The following ST6GAL1 variants were observed in gnomAD, a reference collection of about 807,000 sequenced individuals.
ST6GAL1 encodes the protein ST6 beta-galactoside alpha-2,6-sialyltransferase 1, also known as beta-galactoside alpha-2,6-sialyltransferase 1.
Under a neutral mutation model 38.0 loss-of-function variants are expected in ST6GAL1, and 20 were observed. The ratio of observed to expected loss-of-function variants is 0.53; its 90% CI spans 0.37 to 0.77. The LOEUF is 0.77. ST6GAL1 is among the 30% of genes least tolerant of loss of function. ST6GAL1 has a pLI of 0.00. For synonymous variants in ST6GAL1, 196 were observed against 188.2 expected, an observed-to-expected ratio of 1.04 and a Z score of -0.34; for missense variants, 432 against 496.4, an observed-to-expected ratio of 0.87 and a Z score of 1.23.
intron 2 of ST6GAL1, among the ~76,000 whole-genome samples, chr3:186,977,007 G>A (rs1715542262): frequency 6.6e-6 from 1 of 152,206 alleles, no homozygotes; most frequent in Non-Finnish European, 1.5e-5. Context: ...TGCCAGAGGA[G>A]ATCGGCTTGT....
intron 5 of ST6GAL1, 57 bp from the exon 6 acceptor site, chr3:187,072,792 A>C (rs759698562): frequency 2.7e-6 from 4 of 1,469,502 alleles, no homozygotes; most frequent in Non-Finnish European, 2.9e-6. Context: ...CTATTACTTC[A>C]TGTCAAACAT....
rs1714765712 is a variant in ST6GAL1, at chr3:186,956,844, T to C, written c.-324-6941T>C. Among the ~76,000 whole-genome samples the C allele has an allele frequency of 2.6e-5, 4 of 152,142 alleles. No individual in the cohort carries two copies. The South Asian group carries it at 8.3e-4, about 32-fold the overall frequency. The stretch of plus-strand genomic sequence containing the variant: ...AAAGACAGCTAACGATCACCAGATA[T>C]TTGAGAAAAGTTTGAAACATGAAAG... On this transcript the variant is annotated intron_variant, in intron 1 of 7. Coordinates refer to ENST00000169298, the MANE Select transcript of ST6GAL1 (RefSeq NM_173216.2).
At chr3:186,973,693 T>G (rs187034029) in intron 2 of ST6GAL1, among the ~76,000 whole-genome samples, 1 of 152,282 alleles carries the variant, frequency 6.6e-6, no homozygotes, top group Admixed American at 6.5e-5. Context: ...TAGGGAGTGT[T>G]GGCTCCCTCT....
intron 5 of ST6GAL1, among the ~76,000 whole-genome samples, chr3:187,055,972 T>G (rs1346027184): frequency 6.6e-6 from 1 of 152,202 alleles, no homozygotes; most frequent in Non-Finnish European, 1.5e-5. Flanking sequence ...AGGACTTGCT[T>G]TATGAATCTG....
chr3:187,027,117 C>T (rs985766204), intron 2 of ST6GAL1, among the ~76,000 whole-genome samples: 2 of 151,686 alleles, frequency 1.3e-5, no homozygotes, highest in African/African-American at 2.4e-5. Flanking sequence ...GCATGGATTC[C>T]AGAATCATGA....
rs71634020 is a variant in ST6GAL1 at position 186,963,829 on chromosome 3, AG to A, written c.-277del. ...CGCAGAGCCCTGCAACCAGCAGTCC[AG>A]GGAGAAGTGGTGAATGTCATGGAGC... is the stretch of plus-strand genomic sequence containing the variant. On this transcript the variant is annotated 5_prime_UTR_variant, in exon 2 of 8. Transcript: ENST00000169298. 0.084 allele frequency: 12,769 copies of A among 152,414 alleles called. 700 individuals carry two copies. Among genetic ancestry groups the A allele is most frequent in the Non-Finnish European group, 0.12 (7,899 of 68,116 alleles). The allele number at this position is 152,414 out of a possible 1,614,324, so 9.4% of individuals were successfully genotyped here.
intron 6 of ST6GAL1, 186 bp from the exon 7 acceptor site, chr3:187,073,973 C>T (rs1719474768): frequency 5.8e-6 from 3 of 520,620 alleles, no homozygotes; most frequent in East Asian, 3.4e-5. Context: ...AGGCCCCACC[C>T]TGCTATCCAG....
rs565675603 is a variant in ST6GAL1 at position 187,067,012 on chromosome 3, G to T, written c.706-5837G>T. ...TACCATGGAGTGAGTTAGACACAGA[G>T]CAGGACTGGAACCCATGCTTCCAAT... On this transcript the variant is annotated intron_variant, in intron 5 of 7. Coordinates refer to ENST00000169298, the MANE Select transcript of ST6GAL1 (RefSeq NM_173216.2). 1.1e-4 allele frequency among the ~76,000 whole-genome samples: 17 copies of T among 151,580 alleles called. No individual in the cohort carries two copies. In the South Asian group the frequency reaches 3.5e-3, roughly 32 times the overall value.
At chr3:186,987,242 GGAAAGAAAGGAAGAAA>G (rs1560152332) in intron 2 of ST6GAL1, among the ~76,000 whole-genome samples, 5 of 151,368 alleles carry the variant, frequency 3.3e-5, no homozygotes, top group Non-Finnish European at 7.4e-5. Flanking sequence ...AAGGAAGAAA[GGAAAGAAAGGAAGAAA>G]GAAAGAAGAA....
At chr3:186,987,456 C>T (rs761276447) in intron 2 of ST6GAL1, among the ~76,000 whole-genome samples, 2 of 152,124 alleles carry the variant, frequency 1.3e-5, no homozygotes, top group Non-Finnish European at 1.5e-5. Flanking sequence ...TTGAAGCCCA[C>T]GGCCCACAAG....
intron 2 of ST6GAL1, among the ~76,000 whole-genome samples, chr3:186,969,115 A>C (rs1220286679): frequency 6.8e-6 from 1 of 147,480 alleles, no homozygotes; most frequent in Non-Finnish European, 1.5e-5. Context: ...GCAGTGGCGC[A>C]ATCTCAGCTC....
rs566358450 is a variant in ST6GAL1, at chr3:187,013,758, T to C, written c.-182-24984T>C. On this transcript the variant is annotated intron_variant, in intron 2 of 7. Coordinates refer to ENST00000169298, the MANE Select transcript of ST6GAL1 (RefSeq NM_173216.2). ...CGCCACCACGCCTGACTAATTTTTG[T>C]ATTTTTAGTAGAGACGGGGTTTGAC... is the stretch of plus-strand genomic sequence containing the variant. 4.6e-5 allele frequency among the ~76,000 whole-genome samples: 7 copies of C among 152,246 alleles called. No individual in the cohort carries two copies. The East Asian group carries it at 1.4e-3, about 29-fold the overall frequency.
At chr3:187,002,811 T>G (rs1716664236) in intron 2 of ST6GAL1, among the ~76,000 whole-genome samples, 1 of 152,228 alleles carries the variant, frequency 6.6e-6, no homozygotes, top group African/African-American at 2.4e-5. Context: ...AATTCTCCAT[T>G]ATAATTCTTT....
At chr3:186,971,378 G>T (rs981598955) in intron 2 of ST6GAL1, among the ~76,000 whole-genome samples, 1 of 152,210 alleles carries the variant, frequency 6.6e-6, no homozygotes, top group Non-Finnish European at 1.5e-5. Flanking sequence ...GATTATAGGC[G>T]TGAGCCACTG....
At chr3:187,060,296 G>T (rs1718869250) in intron 5 of ST6GAL1, among the ~76,000 whole-genome samples, 1 of 152,166 alleles carries the variant, frequency 6.6e-6, no homozygotes, top group Non-Finnish European at 1.5e-5. Context: ...GAGTAGCTGG[G>T]ATTACAGGCG....
intron 5 of ST6GAL1, among the ~76,000 whole-genome samples, chr3:187,051,722 T>G (rs1718521811): frequency 6.6e-6 from 1 of 152,124 alleles, no homozygotes; most frequent in African/African-American, 2.4e-5. Context: ...GAGAGCACTT[T>G]ATGAACCGTA....
intron 1 of ST6GAL1, among the ~76,000 whole-genome samples, chr3:186,937,462 A>G (rs1326289520): frequency 5.3e-5 from 8 of 152,186 alleles, no homozygotes; most frequent in Non-Finnish European, 4.4e-5. Context: ...GTGACCTTCA[A>G]AAACTTAACT....
intron 4 of ST6GAL1, 105 bp from the exon 5 acceptor site, chr3:187,051,144 T>C: frequency 2.1e-6 from 2 of 955,494 alleles, no homozygotes; most frequent in South Asian, 2.8e-5. Context: ...GGGGTAAAGA[T>C]GGGGAAGCAT....
chr3:186,982,385 C>T (rs1474899453), intron 2 of ST6GAL1, among the ~76,000 whole-genome samples: 1 of 152,144 alleles, frequency 6.6e-6, no homozygotes, highest in Non-Finnish European at 1.5e-5. Context: ...GTTGGTTGCT[C>T]GTGACTCTCA....
Sources: gnomAD v4.1 joint callset for allele counts (sites outside exome capture counted in the v4.1 genomes callset) on GRCh38, gnomAD v4.1.1 for gene constraint, MANE v1.5 for transcripts, NCBI Gene and HGNC (gene_info 2026-07-23, HGNC 2026-07-21) for gene names.